HECTD3: variants seen among roughly 807,000 people sequenced by gnomAD.
The protein encoded by HECTD3 is HECT domain E3 ubiquitin protein ligase 3, also known as E3 ubiquitin-protein ligase HECTD3.
Under a neutral mutation model 109.3 loss-of-function variants are expected in HECTD3, and 72 were observed. The ratio of observed to expected loss-of-function variants is 0.66; its 90% confidence interval spans 0.54 to 0.80. The LOEUF is 0.80. Ranked by LOEUF, HECTD3 falls within the 30% of genes least tolerant of loss-of-function variation. The pLI is 0.00. For missense variants in HECTD3, 1,041 were observed against 1,165.2 expected (o/e 0.89, Z 1.55); for synonymous variants, 481 against 471.8 (o/e 1.02, Z -0.25).
chr1:45,007,147 TGTGTGTG>T, intron 11 of HECTD3, 65 bp downstream of exon 11: 1 of 1,450,734 alleles, frequency 6.9e-7, no homozygotes, highest in Non-Finnish European at 9.6e-7. Flanking sequence ...TGTGTGTGTG[TGTGTGTG>T]TGTTTGTGTG....
Position 45,004,248 on chromosome 1 carries a change from T to C in HECTD3, c.2272A>G (p.Thr758Ala). The C allele has an allele frequency of 6.2e-7, 1 of 1,614,020 alleles. No homozygotes were observed. Among genetic ancestry groups the C allele is most frequent in the Non-Finnish European group, 8.5e-7 (1 of 1,179,892 alleles). ...EVTVDALRKL[T>A]RFEDFEPSDS... ...CCCTGCCCTGCCTTGGGGAACTCAC[T>C]GAGCTTGCGCAGAGCATCCACAGTG... Residue 758 changes from threonine to alanine, a missense_variant and splice_region_variant, in exon 17 of 21, where the codon ACC becomes GCC. Thr to Ala is a moderately conservative substitution (Grantham distance 58). Around this residue, in one of 2 missense-constraint regions of HECTD3, gnomAD observed 569 missense variants for 715.3 expected, o/e 0.80. Transcript: ENST00000372172.
Position 45,010,157 on chromosome 1 carries a change from A to G in HECTD3, c.624-36T>C. 3 of 1,613,860 alleles carry G rather than the reference A, an allele frequency of 1.9e-6. No individual in the cohort carries two copies. The South Asian group carries it at 3.3e-5, about 18-fold the overall frequency. On this transcript the variant is annotated intron_variant, in intron 3 of 20. Transcript: ENST00000372172. ...CCAAGCCCCTAATTAGACTGGGCCC[A>G]GACGCAGAGCTCCTTCCTCCCCACC...
chr1:45,009,293 T>G, intron 6 of HECTD3, 67 bp from the exon 7 acceptor site: 4 of 1,542,216 alleles, frequency 2.6e-6, no homozygotes, highest in Non-Finnish European at 3.6e-6. Context: ...TGCTGGAGTC[T>G]CACTCAAACT....
Position 45,004,778 on chromosome 1 carries a change from A to G in HECTD3, c.1964T>C (p.Met655Thr), listed in dbSNP as rs762695538. The G allele has an allele frequency of 6.2e-7, 1 of 1,614,210 alleles. No individual in the cohort carries two copies. Among genetic ancestry groups the G allele is most frequent in the Non-Finnish European group, 8.5e-7 (1 of 1,180,022 alleles). Residue 655 changes from methionine to threonine, a missense_variant, in exon 16 of 21, where the codon ATG (methionine) becomes ACG (threonine). Transcript: ENST00000372172. ...CTTGAACTCAAACGTCTCCTTGTCC[A>G]TTCCTTCCATCACTTCCAGGAGCTT... ...LVKLLEVMEG[M>T]DKETFEFKFG... is the part of the protein sequence containing the mutation.
intron 16 of HECTD3, 74 bp downstream of exon 16, chr1:45,004,526 C>A: frequency 6.3e-7 from 1 of 1,597,648 alleles, no homozygotes; most frequent in South Asian, 1.1e-5. Context: ...GGCTTACAGG[C>A]TGTGTTCTGG....
intron 15 of HECTD3, chr1:45,005,413 G>A (rs1644726973): frequency 4.8e-6 from 1 of 208,896 alleles, no homozygotes; most frequent in Non-Finnish European, 9.6e-6. Context: ...TAAGAATATG[G>A]TGGCGAGGGA....
intron 3 of HECTD3, 21 bp from the exon 4 acceptor site, chr1:45,010,142 A>G (rs761927489): frequency 6.2e-7 from 1 of 1,613,518 alleles, no homozygotes; most frequent in African/African-American, 1.3e-5. Flanking sequence ...CCAAGCCCCT[A>G]ATTAGACTGG....
chr1:45,004,480 A>C, intron 16 of HECTD3, 103 bp from the exon 17 acceptor site: 1 of 1,598,352 alleles, frequency 6.3e-7, no homozygotes, highest in South Asian at 1.1e-5. Flanking sequence ...GGTGGCACTG[A>C]GGAATGGTGG....
Position 45,004,727 on chromosome 1 carries a change from G to C in HECTD3, c.2015C>G (p.Thr672Ser). Reference sequence around the variant, plus strand: ...CACCACCTGTTGGTCACTCAGTACAGTGGTGAATGTTAGTTCCTTCCCAAA... The same window carrying C: ...CACCACCTGTTGGTCACTCAGTACACTGGTGAATGTTAGTTCCTTCCCAAA... ...FKFGKELTFT[T>S]VLSDQQVVEL... Residue 672 changes from threonine to serine, a missense_variant, in exon 16 of 21, where the codon ACT becomes AGT. This residue lies in a region of HECTD3 where 569 missense variants were observed against 715.3 expected (regional missense o/e 0.80). Coordinates refer to ENST00000372172, the MANE Select transcript of HECTD3 (RefSeq NM_024602.6). 1 of 1,614,208 alleles carries C rather than the reference G, an allele frequency of 6.2e-7. No individual in the cohort carries two copies. The highest frequency in any genetic ancestry group is 8.5e-7 in the Non-Finnish European group (1 of 1,180,012).
In HECTD3 at chr1:45,006,945, C is replaced by A; in HGVS notation, c.1621+6G>T. ...GGACCCTTGAGATCCTCCCTCAGGG[C>A]CTCACCTTGGTCAATGATGCCTTCT... On this transcript the variant is annotated splice_donor_region_variant and intron_variant, in intron 12 of 20. Coordinates refer to ENST00000372172, the MANE Select transcript of HECTD3 (RefSeq NM_024602.6). The surrounding 1 kb of genome is among the most constrained non-coding windows in gnomAD (Gnocchi z 4.7). The A allele has an allele frequency of 6.2e-7, 1 of 1,613,798 alleles. No individual in the cohort carries two copies. Among genetic ancestry groups the A allele is most frequent in the South Asian group, 1.1e-5 (1 of 91,070 alleles).
In HECTD3 at chr1:45,003,611, C is replaced by T. The variant is rs758258247; in HGVS notation, c.2502-35G>A. 7.4e-6 allele frequency: 12 copies of T among 1,613,364 alleles called. No individual in the cohort carries two copies. In the East Asian group the frequency reaches 1.1e-4, roughly 15 times the overall value. Reference sequence around the variant, plus strand: ...TGGGGACTTGGTCAGGTCCCTACATCGCTACCAGGGGTGATGGGGTCCCCT... The same window carrying T: ...TGGGGACTTGGTCAGGTCCCTACATTGCTACCAGGGGTGATGGGGTCCCCT... On this transcript the variant is annotated intron_variant, in intron 20 of 20. Coordinates refer to ENST00000372172, the MANE Select transcript of HECTD3 (RefSeq NM_024602.6). This position sits in a 1 kb window ranked among gnomAD's most constrained non-coding sequence, Gnocchi z 4.7.
intron 11 of HECTD3, 87 bp from the exon 12 acceptor site, chr1:45,007,102 C>A: frequency 6.4e-7 from 1 of 1,567,022 alleles, no homozygotes; most frequent in South Asian, 1.1e-5. Flanking sequence ...GAAAAGCAGT[C>A]ATGGCGAGGG....
In HECTD3 at chr1:45,009,695, C is replaced by CAG. The variant is rs1399073990; in HGVS notation, c.760-14_760-13dup. On this transcript the variant is annotated splice_polypyrimidine_tract_variant and intron_variant, in intron 4 of 20. Transcript: ENST00000372172. The stretch of plus-strand genomic sequence containing the variant: ...ACGTTGAACTCCTCCTGGGGAGGGG[C>CAG]AGAGACGTGAAGTCAGCAGTTACCC... 1 of 1,596,864 alleles carries CAG rather than the reference C, an allele frequency of 6.3e-7. No homozygotes were observed. Among genetic ancestry groups the CAG allele is most frequent in the East Asian group, 2.2e-5 (1 of 44,750 alleles).
chr1:45,009,678 C>A lies in HECTD3; in HGVS notation c.765G>T (p.Glu255Asp), dbSNP rs773513980. The change falls in exon 5 of 21, where the codon GAG becomes GAT. Residue 255 changes from glutamate to aspartate, a missense_variant. Physicochemically the swap from Glu to Asp is conservative, Grantham distance 45 (BLOSUM62 2). Around this residue, in one of 2 missense-constraint regions of HECTD3, gnomAD observed 472 missense variants for 449.9 expected, o/e 1.05. Coordinates refer to ENST00000372172, the MANE Select transcript of HECTD3 (RefSeq NM_024602.6). ...TGTCTGTCAGGCAGGACACGTTGAA[C>A]TCCTCCTGGGGAGGGGCAGAGACGT... Reference protein sequence around the residue: ...ESIDVSSYTEEFNVSCLTDSN... With the variant: ...ESIDVSSYTEDFNVSCLTDSN... 6.2e-7 allele frequency: 1 copy of A among 1,612,982 alleles called. No homozygotes were observed. The highest frequency in any genetic ancestry group is 1.1e-5 in the South Asian group (1 of 91,052).
rs571495828 is a variant in HECTD3, at chr1:45,004,737, T to G, written c.2005A>C (p.Thr669Pro). ...TFEFKFGKEL[T>P]FTTVLSDQQV... is the part of the protein sequence containing the mutation. ...TGGTCACTCAGTACAGTGGTGAATG[T>G]TAGTTCCTTCCCAAACTTGAACTCA... Residue 669 changes from threonine (T) to proline (P), a missense_variant, in exon 16 of 21, where the codon ACA becomes CCA. By Grantham distance (38) the Thr-to-Pro change is conservative (BLOSUM62 -1). Transcript: ENST00000372172. 1 of 1,614,222 alleles carries G rather than the reference T, an allele frequency of 6.2e-7. No homozygotes were observed. Among genetic ancestry groups the G allele is most frequent in the East Asian group, 2.2e-5 (1 of 44,888 alleles).
At position 45,006,992 on chromosome 1, in the gene HECTD3, C is replaced by A; in HGVS notation, c.1580G>T (p.Trp527Leu). The A allele has an allele frequency of 6.2e-7, 1 of 1,614,108 alleles. No individual in the cohort carries two copies. Among genetic ancestry groups the A allele is most frequent in the Non-Finnish European group, 8.5e-7 (1 of 1,180,032 alleles). ...TTCTGCAATAAATTTACACTCCCAC[C>A]ACTGGTCATAGCGCATGGGCCACCT... ...DYRWPMRYDQ[W>L]WECKFIAEGI... Residue 527 changes from tryptophan (W) to leucine (L), a missense_variant, in exon 12 of 21, where the codon TGG becomes TTG. Around this residue, in one of 2 missense-constraint regions of HECTD3, gnomAD observed 569 missense variants for 715.3 expected, o/e 0.80. Transcript: ENST00000372172. This position sits in a 1 kb window ranked among gnomAD's most constrained non-coding sequence, Gnocchi z 4.7.
chr1:45,009,180 G>A lies in HECTD3; in HGVS notation c.1036C>T (p.Leu346Phe), dbSNP rs1309480650. 5 of 1,614,116 alleles carry A rather than the reference G, an allele frequency of 3.1e-6. No homozygotes were observed. Among genetic ancestry groups the A allele is most frequent in the South Asian group, 1.1e-5 (1 of 91,074 alleles). The change falls in exon 7 of 21, where the codon CTC (leucine) becomes TTC (phenylalanine). Residue 346 changes from leucine (L) to phenylalanine (F), a missense_variant. Transcript: ENST00000372172. ...ACGATGCGGATCTCGATGATCGGGA[G>A]GTGGACGGTCATGTCCTCCAGGACA... ...VCVLEDMTVH[L>F]PIIEIRIVEC...
At position 45,006,579 on chromosome 1, in the gene HECTD3, G is replaced by A. The variant is rs1644737552; in HGVS notation, c.1725+113C>T. The stretch of plus-strand genomic sequence containing the variant: ...GGCTTCCCAAAGTGCTGGGATTACA[G>A]GCGTGAGCCACTGTGCCTGCCCCCT... On this transcript the variant is annotated intron_variant, in intron 13 of 20. Coordinates refer to ENST00000372172, the MANE Select transcript of HECTD3 (RefSeq NM_024602.6). This position sits in a 1 kb window ranked among gnomAD's most constrained non-coding sequence, Gnocchi z 4.7. 3.5e-6 allele frequency: 3 copies of A among 857,586 alleles called. No individual in the cohort carries two copies. In the South Asian group the frequency reaches 5.1e-5, roughly 15 times the overall value. The allele number at this position is 857,586 out of a possible 1,614,324, so 53.1% of individuals were successfully genotyped here.
chr1:45,007,110 G>A (rs987945374), intron 11 of HECTD3, 95 bp from the exon 12 acceptor site: 19 of 1,548,810 alleles, frequency 1.2e-5, no homozygotes, highest in Non-Finnish European at 1.4e-5. Flanking sequence ...GTCATGGCGA[G>A]GGGTGCCTCG....
Sources: gnomAD v4.1 joint callset for allele counts on GRCh38, gnomAD v4.1.1 for gene constraint, gnomAD v4.1.1 regional missense constraint, Gnocchi (gnomAD v3.1) non-coding constraint, MANE v1.5 for transcripts, NCBI Gene and HGNC (gene_info 2026-07-23, HGNC 2026-07-21) for gene names.